The following SPMIP2 variants were observed in gnomAD, a reference collection of about 807,000 sequenced individuals.
SPMIP2 encodes the protein sperm microtubule inner protein 2.
the SPMIP2 span, among the ~76,000 whole-genome samples, chr4:159,047,134 G>C: frequency 6.6e-6 from 1 of 152,074 alleles, no homozygotes; most frequent in Non-Finnish European, 1.5e-5. Flanking sequence ...CTGGAACCTA[G>C]CATTTAGAAA....
At chr4:158,894,849 T>C in the SPMIP2 span, among the ~76,000 whole-genome samples, 2 of 152,214 alleles carry the variant, frequency 1.3e-5, no homozygotes, top group African/African-American at 4.8e-5. Flanking sequence ...CTGAAAAGAT[T>C]GCATCTCTGA....
the SPMIP2 span, among the ~76,000 whole-genome samples, chr4:158,908,846 C>T: frequency 6.6e-6 from 1 of 152,188 alleles, no homozygotes; most frequent in Admixed American, 6.5e-5. Context: ...GCCACCACAA[C>T]TGGCCAATTT....
At chr4:158,908,445 C>T in the SPMIP2 span, among the ~76,000 whole-genome samples, 14 of 152,140 alleles carry the variant, frequency 9.2e-5, no homozygotes, top group African/African-American at 2.9e-4. Context: ...ATGCATTCTC[C>T]AGGAATGCAA....
At chr4:159,039,198 C>T in the SPMIP2 span, among the ~76,000 whole-genome samples, 1 of 152,120 alleles carries the variant, frequency 6.6e-6, no homozygotes, top group Non-Finnish European at 1.5e-5. Context: ...CTCAGGCTCC[C>T]AAAATACTGG....
chr4:159,074,809 A>G, the SPMIP2 span, among the ~76,000 whole-genome samples: 5 of 152,202 alleles, frequency 3.3e-5, no homozygotes, highest in East Asian at 9.6e-4. Context: ...TGTATCAACC[A>G]GAGACCCTCA....
At chr4:159,066,589 T>TTTTATATATATATATATA in the SPMIP2 span, among the ~76,000 whole-genome samples, 1 of 76,632 alleles carries the variant, frequency 1.3e-5, no homozygotes, top group Admixed American at 1.5e-4. Flanking sequence ...TGTGTGTATT[T>TTTTATATATATATATATA]TATATATATA....
the SPMIP2 span, among the ~76,000 whole-genome samples, chr4:158,940,332 T>G: frequency 6.6e-6 from 1 of 152,234 alleles, no homozygotes; most frequent in Non-Finnish European, 1.5e-5. Context: ...TACAGTCACA[T>G]TCTGAGGTAG....
the SPMIP2 span, among the ~76,000 whole-genome samples, chr4:158,925,733 A>G: frequency 6.6e-6 from 1 of 152,226 alleles, no homozygotes; most frequent in Non-Finnish European, 1.5e-5. Context: ...TGTGTAGCTC[A>G]GTTCCTAACG....
chr4:158,978,364 T>C, the SPMIP2 span, among the ~76,000 whole-genome samples: 1 of 152,208 alleles, frequency 6.6e-6, no homozygotes, highest in Admixed American at 6.5e-5. Context: ...AATAGTGCTA[T>C]GTGGTGCTGA....
the SPMIP2 span, among the ~76,000 whole-genome samples, chr4:158,978,416 A>G: frequency 6.6e-6 from 1 of 152,328 alleles, no homozygotes; most frequent in African/African-American, 2.4e-5. Context: ...AGAGTTCTGT[A>G]GATGTCTATT....
the SPMIP2 span, among the ~76,000 whole-genome samples, chr4:159,006,648 T>A: frequency 8.5e-5 from 13 of 152,316 alleles, no homozygotes; most frequent in South Asian, 6.2e-4. Context: ...AAGATGATAC[T>A]AAGTGGTGAC....
At chr4:158,894,340 T>C in the SPMIP2 span, among the ~76,000 whole-genome samples, 1 of 151,996 alleles carries the variant, frequency 6.6e-6, no homozygotes, top group Non-Finnish European at 1.5e-5. Flanking sequence ...GCCCAGGTAA[T>C]TTTTTAATTT....
At chr4:158,928,318 CTAG>C in the SPMIP2 span, among the ~76,000 whole-genome samples, 1 of 151,796 alleles carries the variant, frequency 6.6e-6, no homozygotes, top group Non-Finnish European at 1.5e-5. Flanking sequence ...ACCTTTATGT[CTAG>C]CTCAGGGATT....
the SPMIP2 span, among the ~76,000 whole-genome samples, chr4:158,999,481 A>G: frequency 6.6e-6 from 1 of 152,254 alleles, no homozygotes; most frequent in Admixed American, 6.5e-5. Context: ...TATATAATAA[A>G]GGGAAAATAG....
At chr4:158,948,743 T>C in the SPMIP2 span, among the ~76,000 whole-genome samples, 1 of 152,100 alleles carries the variant, frequency 6.6e-6, no homozygotes, top group African/African-American at 2.4e-5. Context: ...TAGCTGGGAC[T>C]ACAGTTATGC....
At chr4:158,979,038 G>A in the SPMIP2 span, among the ~76,000 whole-genome samples, 2 of 152,146 alleles carry the variant, frequency 1.3e-5, no homozygotes, top group Non-Finnish European at 1.5e-5. Flanking sequence ...CTGACTGGGG[G>A]TGCTGCCTTT....
At chr4:158,989,812 T>C in the SPMIP2 span, among the ~76,000 whole-genome samples, 1 of 152,082 alleles carries the variant, frequency 6.6e-6, no homozygotes, top group South Asian at 2.1e-4. Context: ...ATTCAGGACA[T>C]AGGTATGGGC....
chr4:158,933,154 C>T, the SPMIP2 span, among the ~76,000 whole-genome samples: 1 of 152,198 alleles, frequency 6.6e-6, no homozygotes, highest in Non-Finnish European at 1.5e-5. Flanking sequence ...CAGGCACACA[C>T]TACCACGCCC....
chr4:159,036,880 T>C, the SPMIP2 span, among the ~76,000 whole-genome samples: 2 of 152,232 alleles, frequency 1.3e-5, no homozygotes, highest in African/African-American at 4.8e-5. Context: ...TCAAGGGCTC[T>C]CTATCTCTAG....
Sources: allele counts gnomAD v4.1 joint callset (sites outside exome capture counted in the v4.1 genomes callset), GRCh38; gene constraint gnomAD v4.1.1; transcripts MANE v1.5; gene names NCBI Gene and HGNC (gene_info 2026-07-23, HGNC 2026-07-21).